The following TECPR1 variants were observed in gnomAD, a reference collection of about 807,000 sequenced individuals.
TECPR1 encodes the protein tectonin beta-propeller repeat-containing protein 1.
Under a neutral mutation model 162.4 loss-of-function variants are expected in TECPR1, and 122 were observed. The ratio of observed to expected loss-of-function variants is 0.75; its 90% CI spans 0.65 to 0.87. The LOEUF is 0.87. Ranked by LOEUF, TECPR1 falls within the 40% of genes least tolerant of loss-of-function variation. The probability of loss-of-function intolerance (pLI) is 0.00; values close to 1 mark genes in which losing one functional copy is unlikely to be tolerated. For missense variants in TECPR1, 1,432 were observed against 1,618.2 expected, an observed-to-expected ratio of 0.88 and a Z score of 1.97; for synonymous variants, 642 against 670.6, an observed-to-expected ratio of 0.96 and a Z score of 0.66.
At chr7:98,235,845 A>AAAAAAAC (rs1798585044) in intron 10 of TECPR1, among the ~76,000 whole-genome samples, 1 of 140,780 alleles carries the variant, frequency 7.1e-6, no homozygotes, top group African/African-American at 2.5e-5. Context: ...AAAAAAAAAA[A>AAAAAAAC]AAAAAACACC....
chr7:98,223,548 G>A, intron 20 of TECPR1, 114 bp downstream of exon 20: 1 of 1,119,190 alleles, frequency 8.9e-7, no homozygotes, highest in Non-Finnish European at 1.3e-6. Flanking sequence ...TCTTCCCTTG[G>A]GACTGAGGTC....
At chr7:98,231,606 AC>A in intron 13 of TECPR1, 197 bp downstream of exon 13, 1 of 313,980 alleles carries the variant, frequency 3.2e-6, no homozygotes, top group Admixed American at 6.6e-5. Flanking sequence ...CTCCTGGGGC[AC>A]CCCCATTTCT....
In TECPR1 at chr7:98,231,213, C is replaced by T. The variant is rs74958821; in HGVS notation, c.2124+11G>A. 13,911 of 1,611,162 alleles carry T rather than the reference C, an allele frequency of 8.6e-3. 117 individuals carry two copies. Among genetic ancestry groups the T allele is most frequent in the South Asian group, 0.02 (1,779 of 91,044 alleles). On this transcript the variant is annotated intron_variant, in intron 14 of 25. Coordinates refer to ENST00000447648, the MANE Select transcript of TECPR1 (RefSeq NM_015395.3). ...CCTCCCCCCGGCCCGAGGGGACCACCGACCACTCACCCAGTCATTCATGTC... is the reference window on the plus strand; with the variant it reads ...CCTCCCCCCGGCCCGAGGGGACCACTGACCACTCACCCAGTCATTCATGTC...
chr7:98,239,182 T>A (rs946485191), intron 8 of TECPR1, among the ~76,000 whole-genome samples: 2 of 152,236 alleles, frequency 1.3e-5, no homozygotes, highest in Non-Finnish European at 2.9e-5. Flanking sequence ...ATCAGGGCTC[T>A]TCTTATACAT....
At position 98,236,894 on chromosome 7, in the gene TECPR1, C is replaced by T; in HGVS notation, c.1063G>A (p.Ala355Thr). 6.4e-7 allele frequency: 1 copy of T among 1,573,738 alleles called. No homozygotes were observed. The highest frequency in any genetic ancestry group is 8.6e-7 in the Non-Finnish European group (1 of 1,160,816). ...QVWGIGCEDR[A>T]VYFRQGVTPS... ...GTGACACCCTGCCGGAAGTACACGG[C>T]TCGGTCCTCACAGCCAATGCCCCAC... Residue 355 changes from alanine (A) to threonine (T), a missense_variant, in exon 10 of 26, where the codon GCC (alanine) becomes ACC (threonine). Ala to Thr is a moderately conservative substitution (Grantham distance 58). Coordinates refer to ENST00000447648, the MANE Select transcript of TECPR1 (RefSeq NM_015395.3).
At chr7:98,236,728 A>G in intron 10 of TECPR1, 48 bp downstream of exon 10, 1 of 1,566,908 alleles carries the variant, frequency 6.4e-7, no homozygotes, top group Non-Finnish European at 8.6e-7. Flanking sequence ...CTAGGCTCAG[A>G]CGGCCCATCC....
At chr7:98,242,403 C>A (rs1798773297) in intron 6 of TECPR1, among the ~76,000 whole-genome samples, 2 of 151,998 alleles carry the variant, frequency 1.3e-5, no homozygotes, top group African/African-American at 4.8e-5. Context: ...GCCACAGATC[C>A]ACTACCCACC....
chr7:98,230,195 C>T (rs1402771756), intron 15 of TECPR1, among the ~76,000 whole-genome samples: 4 of 150,898 alleles, frequency 2.7e-5, no homozygotes, highest in African/African-American at 9.8e-5. Flanking sequence ...TTTGTAGAGA[C>T]GAGTCTAGCT....
At chr7:98,230,047 G>A (rs1441933914) in intron 15 of TECPR1, among the ~76,000 whole-genome samples, 4 of 149,374 alleles carry the variant, frequency 2.7e-5, no homozygotes, top group South Asian at 2.1e-4. Flanking sequence ...CTGGAGTGCC[G>A]TGGTGTGAGT....
chr7:98,243,657 C>T (rs1040238466), intron 5 of TECPR1, 65 bp from the exon 6 acceptor site: 1 of 1,544,630 alleles, frequency 6.5e-7, no homozygotes, highest in African/African-American at 1.4e-5. Context: ...ATGCACCCAC[C>T]TCCCGCCCGC....
intron 23 of TECPR1, 22 bp downstream of exon 23, chr7:98,221,639 A>C: frequency 6.2e-7 from 1 of 1,610,912 alleles, no homozygotes; most frequent in Admixed American, 1.7e-5. Flanking sequence ...AACATTAAAA[A>C]TTTAAAAAAA....
Position 98,216,427 on chromosome 7 carries a change from G to A in TECPR1, c.*963C>T, listed in dbSNP as rs184450060. Reference sequence around the variant, plus strand: ...GGTTGATGATGGTGACTGCACACACGGACACTGCCTCCAGCCATGGGGCAG... The same window carrying A: ...GGTTGATGATGGTGACTGCACACACAGACACTGCCTCCAGCCATGGGGCAG... On this transcript the variant is annotated 3_prime_UTR_variant, in exon 26 of 26. Transcript: ENST00000447648. The A allele has an allele frequency of 2.6e-3, 393 of 152,384 alleles. 1 individual carries two copies. Among genetic ancestry groups the A allele is most frequent in the Non-Finnish European group, 4.0e-3 (275 of 68,078 alleles). The allele number at this position is 152,384 out of a possible 1,614,324, so 9.4% of individuals were successfully genotyped here.
At chr7:98,236,611 G>A (rs1344883010) in intron 10 of TECPR1, among the ~76,000 whole-genome samples, 165 bp downstream of exon 10, 1 of 151,488 alleles carries the variant, frequency 6.6e-6, no homozygotes, top group African/African-American at 2.4e-5. Context: ...CGAGGCAGGA[G>A]GGCTTCGGCT....
intron 8 of TECPR1, among the ~76,000 whole-genome samples, chr7:98,239,137 G>C (rs975321447): frequency 3.3e-5 from 5 of 152,170 alleles, no homozygotes; most frequent in African/African-American, 1.2e-4. Flanking sequence ...GTGATTCAGC[G>C]GCTGGTCATG....
At chr7:98,227,400 AAAAAAG>A (rs1174930096) in intron 17 of TECPR1, among the ~76,000 whole-genome samples, 1 of 151,724 alleles carries the variant, frequency 6.6e-6, no homozygotes, top group African/African-American at 2.4e-5. Context: ...TCAAAAAAAA[AAAAAAG>A]AAAAAGAAAA....
At chr7:98,228,360 A>T (rs1052450699) in intron 16 of TECPR1, 2 of 509,566 alleles carry the variant, frequency 3.9e-6, no homozygotes, top group Non-Finnish European at 3.6e-6. Context: ...GCTGTGCATT[A>T]AATCTCCCAT....
At chr7:98,227,249 A>G (rs1798299575) in intron 17 of TECPR1, among the ~76,000 whole-genome samples, 1 of 151,622 alleles carries the variant, frequency 6.6e-6, no homozygotes, top group Non-Finnish European at 1.5e-5. Context: ...AAAATTAGCT[A>G]GTCGTGGTGG....
At chr7:98,233,373 A>G (rs1798500419) in intron 11 of TECPR1, 48 bp downstream of exon 11, 2 of 1,410,390 alleles carry the variant, frequency 1.4e-6, no homozygotes, top group Non-Finnish European at 1.9e-6. Context: ...CCACACCCCC[A>G]GGGCACCTGG....
intron 2 of TECPR1, among the ~76,000 whole-genome samples, chr7:98,249,706 T>C (rs1222584463): frequency 6.6e-6 from 1 of 152,104 alleles, no homozygotes; most frequent in Non-Finnish European, 1.5e-5. Context: ...TCCCAACACT[T>C]TGGGAGGCCA....
Sources: allele counts gnomAD v4.1 joint callset (sites outside exome capture counted in the v4.1 genomes callset), GRCh38; gene constraint gnomAD v4.1.1; transcripts MANE v1.5; gene names NCBI Gene and HGNC (gene_info 2026-07-23, HGNC 2026-07-21).